Variants in GCSAML observed in about 807,000 individuals in gnomAD.
The protein encoded by GCSAML is germinal center associated signaling and motility like, also known as germinal center-associated signaling and motility-like protein.
GCSAML carries 9 observed loss-of-function variants against 13.0 expected under a neutral mutation model. The observed-to-expected ratio is 0.69, with a 90% confidence interval of 0.42 to 1.21. GCSAML has a LOEUF of 1.21. Among genes scored for constraint, GCSAML ranks in the 50% most tolerant of loss-of-function variants. The pLI is 0.00. For synonymous variants in GCSAML, 37 were observed against 52.9 expected, an observed-to-expected ratio of 0.70 and a Z score of 1.31; for missense variants, 143 against 153.4, an observed-to-expected ratio of 0.93 and a Z score of 0.36.
At chr1:247,549,326 G>A in intron 1 of GCSAML, 106 bp downstream of exon 1, 1 of 984,418 alleles carries the variant, frequency 1.0e-6, no homozygotes, top group Non-Finnish European at 1.5e-6. Flanking sequence ...GCTTCTAGAA[G>A]GTTAAGCCTG....
intron 2 of GCSAML, among the ~76,000 whole-genome samples, chr1:247,539,232 G>A (rs907165445): frequency 6.6e-6 from 1 of 152,132 alleles, no homozygotes; most frequent in Non-Finnish European, 1.5e-5. Context: ...AAAAAATGAG[G>A]TAATCAGTAA....
At chr1:247,552,066 G>A (rs972762610) in intron 1 of GCSAML, among the ~76,000 whole-genome samples, 4 of 152,196 alleles carry the variant, frequency 2.6e-5, no homozygotes, top group Non-Finnish European at 5.9e-5. Context: ...TGGCTTTGGG[G>A]AAAAGAGGTT....
intron 1 of GCSAML, among the ~76,000 whole-genome samples, chr1:247,515,731 T>G (rs2103302324): frequency 6.6e-6 from 1 of 152,212 alleles, no homozygotes; most frequent in South Asian, 2.1e-4. Flanking sequence ...CAACCAGATC[T>G]TGTGAGAACT....
upstream of GCSAML, among the ~76,000 whole-genome samples, chr1:247,546,000 A>T (rs1667555831): frequency 6.6e-6 from 1 of 152,186 alleles, no homozygotes; most frequent in Non-Finnish European, 1.5e-5. Flanking sequence ...ACTGTCGGAG[A>T]TGATAGATAT....
intron 2 of GCSAML, among the ~76,000 whole-genome samples, chr1:247,559,657 A>G (rs556080604): frequency 1.3e-5 from 2 of 152,300 alleles, no homozygotes; most frequent in South Asian, 4.1e-4. Flanking sequence ...GCGAAGTACC[A>G]TAGACTGGGT....
chr1:247,568,081 G>A (rs919569372), intron 4 of GCSAML, among the ~76,000 whole-genome samples: 4 of 151,982 alleles, frequency 2.6e-5, no homozygotes, highest in African/African-American at 9.7e-5. Flanking sequence ...TTAGCTCTTT[G>A]TCAGATGGAT....
rs115436876 is a variant in GCSAML at position 247,567,567 on chromosome 1, C to A, written c.168+1608C>A. On this transcript the variant is annotated intron_variant, in intron 4 of 4. Coordinates refer to ENST00000366488, the MANE Select transcript of GCSAML (RefSeq NM_145278.5). ...GTATTTGTGGCACATTTTCTTTATC[C>A]AGTCTAACATTGATGGGCAGTTGAG... Among the ~76,000 whole-genome samples, 1,036 of 152,266 alleles carry A rather than the reference C, an allele frequency of 6.8e-3. 12 individuals are homozygous for A. The highest frequency in any genetic ancestry group is 0.024 in the African/African-American group (988 of 41,526).
At chr1:247,532,280 T>G (rs1667011872) in intron 2 of GCSAML, 1 of 1,614,062 alleles carries the variant, frequency 6.2e-7, no homozygotes, top group African/African-American at 1.3e-5. Context: ...TGTGGGACAA[T>G]GCTCGTGGTG....
At chr1:247,552,824 C>T (rs1667822758) in intron 1 of GCSAML, among the ~76,000 whole-genome samples, 1 of 142,084 alleles carries the variant, frequency 7.0e-6, no homozygotes, top group African/African-American at 3.1e-5. Context: ...GGCATGATCT[C>T]GGCTCACTGC....
intron 2 of GCSAML, among the ~76,000 whole-genome samples, chr1:247,538,073 G>A (rs1667283032): frequency 6.6e-6 from 1 of 152,182 alleles, no homozygotes; most frequent in South Asian, 2.1e-4. Context: ...AGACTTCCAA[G>A]GTCATGAAAA....
At chr1:247,569,129 C>T (rs1052547700) in intron 4 of GCSAML, among the ~76,000 whole-genome samples, 2 of 152,092 alleles carry the variant, frequency 1.3e-5, no homozygotes, top group South Asian at 4.1e-4. Flanking sequence ...ATTTTCTAAA[C>T]ATACAATCAC....
At position 247,576,122 on chromosome 1, in the gene GCSAML, C is replaced by T. The variant is rs887137411; in HGVS notation, c.*1740C>T. On this transcript the variant is annotated 3_prime_UTR_variant, in exon 5 of 5. Transcript: ENST00000366488. ...ATAAAATTCACTTATGTTTGATATACACCTTATCTGAATAGCCTGAAGGTA... is the reference window on the plus strand; with the variant it reads ...ATAAAATTCACTTATGTTTGATATATACCTTATCTGAATAGCCTGAAGGTA... 1.1e-4 allele frequency: 16 copies of T among 152,152 alleles called. No homozygotes were observed. Among genetic ancestry groups the T allele is most frequent in the African/African-American group, 3.6e-4 (15 of 41,442 alleles). The allele number at this position is 152,152 out of a possible 1,614,324, so 9.4% of individuals were successfully genotyped here. A position where few individuals can be genotyped will look rare whatever the true frequency, so the allele number is the denominator to read the frequency against.
chr1:247,564,275 T>G (rs1233533496), intron 3 of GCSAML, among the ~76,000 whole-genome samples: 1 of 151,712 alleles, frequency 6.6e-6, no homozygotes, highest in Non-Finnish European at 1.5e-5. Context: ...TGAAAGAAGC[T>G]GGTGGTGCAC....
intron 1 of GCSAML, among the ~76,000 whole-genome samples, chr1:247,513,477 T>C (rs1483526047): frequency 2.6e-5 from 4 of 152,232 alleles, no homozygotes; most frequent in Admixed American, 1.3e-4. Context: ...GCTAGACCAC[T>C]TGGCTTCCTG....
chr1:247,532,424 T>C lies in GCSAML; in HGVS notation c.-148+5370T>C. 1 of 1,614,044 alleles carries C rather than the reference T, an allele frequency of 6.2e-7. No individual in the cohort carries two copies. ...ACCATGTAAAAACTCAAGACAACTA[T>C]GAAGAGGACAGTTTCTAGTGAGGGT... On this transcript the variant is annotated intron_variant, in intron 2 of 5. Coordinates refer to the GCSAML transcript ENST00000366489.
intron 1 of GCSAML, among the ~76,000 whole-genome samples, chr1:247,522,811 A>G (rs940659103): frequency 6.6e-6 from 1 of 152,056 alleles, no homozygotes; most frequent in Non-Finnish European, 1.5e-5. Flanking sequence ...GGAAAACCAG[A>G]GACCCTTGTT....
chr1:247,568,948 G>T (rs145986605), intron 4 of GCSAML, among the ~76,000 whole-genome samples: 19 of 151,920 alleles, frequency 1.3e-4, no homozygotes, highest in African/African-American at 4.6e-4. Flanking sequence ...TGAATACAAA[G>T]AGAATAAAAC....
chr1:247,561,144 G>C (rs1023954857), intron 2 of GCSAML, among the ~76,000 whole-genome samples: 2 of 151,902 alleles, frequency 1.3e-5, no homozygotes, highest in Non-Finnish European at 2.9e-5. Flanking sequence ...TGTACAGACA[G>C]GGTTTTGCCA....
rs950648622 is a variant in GCSAML, at chr1:247,576,736, G to A, written c.*2354G>A. 3 of 151,950 alleles carry A rather than the reference G, an allele frequency of 2.0e-5. No individual in the cohort carries two copies. Among genetic ancestry groups the A allele is most frequent in the Admixed American group, 6.6e-5 (1 of 15,248 alleles). The allele number at this position is 151,950 out of a possible 1,614,324, so 9.4% of individuals were successfully genotyped here. On this transcript the variant is annotated 3_prime_UTR_variant, in exon 5 of 5. Transcript: ENST00000366488. Reference sequence around the variant, plus strand: ...CCCTCTTGTGGTGATTTTAATGTGCGGAAGGGAAACAATAGAAATTTTGCA... The same window carrying A: ...CCCTCTTGTGGTGATTTTAATGTGCAGAAGGGAAACAATAGAAATTTTGCA...
Sources: allele counts gnomAD v4.1 joint callset (sites outside exome capture counted in the v4.1 genomes callset), GRCh38; gene constraint gnomAD v4.1.1; transcripts MANE v1.5; gene names NCBI Gene and HGNC (gene_info 2026-07-23, HGNC 2026-07-21).